The following ARMC2 variants were observed in gnomAD, a reference collection of about 807,000 sequenced individuals.
ARMC2 encodes armadillo repeat containing 2, also known as armadillo repeat-containing protein 2.
Under a neutral mutation model 90.3 loss-of-function variants are expected in ARMC2, and 67 were observed. That is an observed-to-expected ratio of 0.74 (90% CI 0.61 to 0.91). The LOEUF is 0.91. Ranked by LOEUF, ARMC2 falls within the 40% of genes least tolerant of loss-of-function variation. The probability of loss-of-function intolerance (pLI) is 0.00; values close to 1 mark genes in which losing one functional copy is unlikely to be tolerated. For synonymous variants in ARMC2, 393 were observed against 393.0 expected, an observed-to-expected ratio of 1.00 and a Z score of 0.00; for missense variants, 920 against 1,030.9, an observed-to-expected ratio of 0.89 and a Z score of 1.47.
In ARMC2 at chr6:108,854,442, G is replaced by A; in HGVS notation, c.175G>A (p.Ala59Thr). Reference sequence around the variant, plus strand: ...GGCTCAAAGAAAACTATTCGGACCTGCATCCTCAAGAACATCAGAAAATAG... The same window carrying A: ...GGCTCAAAGAAAACTATTCGGACCTACATCCTCAAGAACATCAGAAAATAG... ...QEAQRKLFGP[A>T]SSRTSENRPP... The change falls in exon 2 of 18, where the codon GCA (alanine) becomes ACA (threonine). Residue 59 changes from alanine to threonine, a missense_variant. Transcript: ENST00000392644. 2 of 1,613,670 alleles carry A rather than the reference G, an allele frequency of 1.2e-6. No individual in the cohort carries two copies. Among genetic ancestry groups the A allele is most frequent in the Non-Finnish European group, 1.7e-6 (2 of 1,179,810 alleles).
chr6:108,900,800 C>T (rs2806372), intron 7 of ARMC2, among the ~76,000 whole-genome samples: 33,471 of 152,088 alleles, frequency 0.22, 3,971 homozygotes, highest in East Asian at 0.35. Context: ...ATAGTGTTCT[C>T]ACCTGCCAGA....
chr6:109,049,915 A>G, the ARMC2 span, among the ~76,000 whole-genome samples: 1 of 152,166 alleles, frequency 6.6e-6, no homozygotes, highest in African/African-American at 2.4e-5. Context: ...ATACATCTCC[A>G]TGTCTGACTT....
chr6:108,963,796 C>G (rs1778162326), intron 15 of ARMC2, among the ~76,000 whole-genome samples: 1 of 152,222 alleles, frequency 6.6e-6, no homozygotes, highest in South Asian at 2.1e-4. Context: ...GCCAACTCCC[C>G]TCTCCAGGAC....
chr6:108,993,641 T>C, the ARMC2 span, among the ~76,000 whole-genome samples: 1 of 152,194 alleles, frequency 6.6e-6, no homozygotes, highest in East Asian at 1.9e-4. Context: ...TTACCTGGTT[T>C]ATATATTATC....
the ARMC2 span, among the ~76,000 whole-genome samples, chr6:109,031,288 A>G: frequency 7.2e-5 from 11 of 152,172 alleles, no homozygotes; most frequent in Non-Finnish European, 1.5e-4. Context: ...AAGGAGCCCT[A>G]AAAGATTCTC....
At chr6:108,907,538 T>A (rs569112539) in intron 8 of ARMC2, 1 of 1,213,062 alleles carries the variant, frequency 8.2e-7, no homozygotes, top group Non-Finnish European at 1.2e-6. Context: ...TCAGCAACGA[T>A]CGAGATTGTG....
Position 108,953,346 on chromosome 6 carries a change from C to G in ARMC2, c.1910C>G (p.Thr637Arg). Residue 637 changes from threonine to arginine, a missense_variant, in exon 13 of 18, where the codon ACG (threonine) becomes AGG (arginine). Coordinates refer to ENST00000392644, the MANE Select transcript of ARMC2 (RefSeq NM_032131.6). ...GGGATAGTGGGCCTGCTCCTGACCA[C>G]GCTGGGTGAGAACCGCAGCCCACTG... ...NPGIVGLLLT[T>R]LEYKSLDDCE... 1 of 1,599,344 alleles carries G rather than the reference C, an allele frequency of 6.3e-7. No homozygotes were observed. The highest frequency in any genetic ancestry group is 2.2e-5 in the East Asian group (1 of 44,706).
chr6:108,964,634 CGTT>C (rs1778230629), intron 16 of ARMC2, among the ~76,000 whole-genome samples: 1 of 151,982 alleles, frequency 6.6e-6, no homozygotes, highest in Non-Finnish European at 1.5e-5. Context: ...ATTAGCCAGG[CGTT>C]GTGGCACACG....
chr6:109,052,595 A>T, the ARMC2 span, among the ~76,000 whole-genome samples: 1 of 152,226 alleles, frequency 6.6e-6, no homozygotes, highest in Non-Finnish European at 1.5e-5. Context: ...AGTATTCATT[A>T]TGTACTTTTT....
chr6:108,965,495 C>T (rs975253604), intron 17 of ARMC2, among the ~76,000 whole-genome samples: 6 of 150,476 alleles, frequency 4.0e-5, no homozygotes, highest in African/African-American at 1.5e-4. Context: ...CTAAAATCTA[C>T]TCAAGTCATG....
the ARMC2 span, among the ~76,000 whole-genome samples, chr6:108,996,509 C>G: frequency 6.6e-6 from 1 of 152,038 alleles, no homozygotes; most frequent in African/African-American, 2.4e-5. Flanking sequence ...TACCTATTCT[C>G]CTCTTAAAGA....
At chr6:109,045,152 T>G in the ARMC2 span, among the ~76,000 whole-genome samples, 1 of 152,180 alleles carries the variant, frequency 6.6e-6, no homozygotes, top group East Asian at 1.9e-4. Flanking sequence ...CCTGCAAGTC[T>G]GTGCCTAGCT....
intron 13 of ARMC2, among the ~76,000 whole-genome samples, chr6:108,960,420 G>A (rs1441735093): frequency 6.6e-6 from 1 of 152,124 alleles, no homozygotes; most frequent in Non-Finnish European, 1.5e-5. Flanking sequence ...TGGGAGGCAG[G>A]GACAAAAACC....
intron 17 of ARMC2, among the ~76,000 whole-genome samples, chr6:108,966,639 T>A (rs1418088734): frequency 1.3e-5 from 2 of 152,128 alleles, no homozygotes; most frequent in African/African-American, 4.8e-5. Flanking sequence ...CATTTTTTTT[T>A]AATCATTGAG....
the ARMC2 span, among the ~76,000 whole-genome samples, chr6:109,047,805 G>T: frequency 6.9e-6 from 1 of 144,720 alleles, no homozygotes; most frequent in African/African-American, 2.5e-5. Context: ...CCCCAACCCT[G>T]TGCTCTCTGA....
chr6:108,987,750 A>T, the ARMC2 span: 1 of 507,040 alleles, frequency 2.0e-6, no homozygotes. Context: ...GTAGTACAGC[A>T]TAACTTAGCC....
rs747017427 is a variant in ARMC2 at position 108,904,368 on chromosome 6, AC to A, written c.987del (p.Ser330ArgfsTer9). The part of the protein sequence containing the change: ...TLCKLVDVGS[D>X]SLSLKLAKII... ...TGTAAACTAGTTGATGTTGGTTCAGACTCGCTCAGCCTTAAACTTGCAAAAA... is the reference window on the plus strand; with the variant it reads ...TGTAAACTAGTTGATGTTGGTTCAGATCGCTCAGCCTTAAACTTGCAAAAA... On this transcript the variant is annotated frameshift_variant, in exon 8 of 18. Coordinates refer to ENST00000392644, the MANE Select transcript of ARMC2 (RefSeq NM_032131.6). LOFTEE classifies it high-confidence loss of function. 9.9e-6 allele frequency: 16 copies of A among 1,612,402 alleles called. No individual in the cohort carries two copies. Among genetic ancestry groups the A allele is most frequent in the African/African-American group, 1.3e-5 (1 of 74,848 alleles).
chr6:108,875,495 GA>G (rs1776845922), intron 4 of ARMC2, among the ~76,000 whole-genome samples: 1 of 152,082 alleles, frequency 6.6e-6, no homozygotes, highest in African/African-American at 2.4e-5. Context: ...TCTCTGTGCT[GA>G]AAATACTGGC....
At chr6:108,848,596 C>G (rs1773668314) in intron 1 of ARMC2, 50 bp downstream of exon 1, 1 of 152,598 alleles carries the variant, frequency 6.6e-6, no homozygotes, top group Non-Finnish European at 1.5e-5. Flanking sequence ...TCGCCAAGCT[C>G]ATTCCCCGGC....
Sources: allele counts gnomAD v4.1 joint callset (sites outside exome capture counted in the v4.1 genomes callset), GRCh38; gene constraint gnomAD v4.1.1; transcripts MANE v1.5; gene names NCBI Gene and HGNC (gene_info 2026-07-23, HGNC 2026-07-21).